RALYL: variants seen among roughly 807,000 people sequenced by gnomAD.
RALYL encodes the protein RALY RNA binding protein like, also known as RNA-binding Raly-like protein.
Under a neutral mutation model 35.1 loss-of-function variants are expected in RALYL, and 29 were observed. That is an observed-to-expected ratio of 0.83 (90% CI 0.61 to 1.13). The LOEUF (loss-of-function observed/expected upper bound fraction) is 1.13. RALYL is among the 50% of genes most tolerant of loss of function. The pLI, the probability that RALYL is intolerant of heterozygous loss-of-function variation, is 0.00. For synonymous variants in RALYL, 120 were observed against 127.6 expected (o/e 0.94, Z 0.40); for missense variants, 359 against 360.4 (o/e 1.00, Z 0.03).
At chr8:84,523,625 A>C in intron 1 of RALYL, among the ~76,000 whole-genome samples, 1 of 149,210 alleles carries the variant, frequency 6.7e-6, no homozygotes, top group Admixed American at 6.7e-5. Context: ...CTAACTCATC[A>C]TCTAGCATTA....
intron 4 of RALYL, among the ~76,000 whole-genome samples, chr8:84,849,131 G>A (rs1471448729): frequency 6.6e-6 from 1 of 152,184 alleles, no homozygotes; most frequent in African/African-American, 2.4e-5. Flanking sequence ...AACAAGGCAA[G>A]TGGATGGAGG....
Position 84,529,439 on chromosome 8 carries a change from G to A in RALYL, c.118G>A (p.Ala40Thr). ...AATTGTCAAGAAAGTTGACATTGAA[G>A]CCATTTTTTCAAAGTATGGAAAAAT... Reference protein sequence around the residue: ...TAIVKKVDIEAIFSKYGKIVG... With the variant: ...TAIVKKVDIETIFSKYGKIVG... The change falls in exon 2 of 9, where the codon GCC becomes ACC. Residue 40 changes from alanine (A) to threonine (T), a missense_variant. Physicochemically the swap from Ala to Thr is moderately conservative, Grantham distance 58 (BLOSUM62 0). Coordinates refer to ENST00000521268, the MANE Select transcript of RALYL (RefSeq NM_173848.7). 4 of 1,613,558 alleles carry A rather than the reference G, an allele frequency of 2.5e-6. No homozygotes were observed. The highest frequency in any genetic ancestry group is 3.4e-6 in the Non-Finnish European group (4 of 1,179,742).
chr8:84,323,681 TAAAC>T (rs1661711058), intron 1 of RALYL, among the ~76,000 whole-genome samples: 2 of 152,022 alleles, frequency 1.3e-5, no homozygotes, highest in Admixed American at 1.3e-4. Context: ...TATCTTCAGA[TAAAC>T]CAAATGAAGA....
At chr8:84,302,348 A>C (rs777571092) in intron 1 of RALYL, among the ~76,000 whole-genome samples, 1 of 152,176 alleles carries the variant, frequency 6.6e-6, no homozygotes, top group Non-Finnish European at 1.5e-5. Context: ...CTTAAGAACT[A>C]AGCCCACTTG....
chr8:84,890,533 G>A (rs1843642247), intron 8 of RALYL, among the ~76,000 whole-genome samples: 1 of 152,202 alleles, frequency 6.6e-6, no homozygotes, highest in South Asian at 2.1e-4. Flanking sequence ...ACTTTAAGAT[G>A]TATCAGAACT....
intron 1 of RALYL, among the ~76,000 whole-genome samples, chr8:84,495,664 T>C (rs1218841221): frequency 1.3e-5 from 2 of 152,128 alleles, no homozygotes; most frequent in Non-Finnish European, 2.9e-5. Context: ...CCTTTCATTT[T>C]TGTTTACCTT....
At chr8:84,609,262 C>T (rs1817790927) in intron 2 of RALYL, among the ~76,000 whole-genome samples, 1 of 152,148 alleles carries the variant, frequency 6.6e-6, no homozygotes, top group Non-Finnish European at 1.5e-5. Flanking sequence ...GAGTTTAATT[C>T]TGAGGAACTT....
chr8:84,472,047 A>G lies in RALYL; in HGVS notation c.-23-57252A>G, dbSNP rs191013004. Among the ~76,000 whole-genome samples, 10 of 152,344 alleles carry G rather than the reference A, an allele frequency of 6.6e-5. No individual in the cohort carries two copies. The East Asian group carries it at 1.9e-3, about 29-fold the overall frequency. On this transcript the variant is annotated intron_variant, in intron 1 of 8. Coordinates refer to ENST00000521268, the MANE Select transcript of RALYL (RefSeq NM_173848.7). ...TTCATTACTTTATTCATAAAATAGT[A>G]TGAATAGTACTTTATTTTTTTATCG... is the stretch of plus-strand genomic sequence containing the variant.
chr8:84,867,180 G>C (rs113835626), intron 6 of RALYL, among the ~76,000 whole-genome samples: 1 of 152,032 alleles, frequency 6.6e-6, no homozygotes, highest in Non-Finnish European at 1.5e-5. Flanking sequence ...TGTGTGTCTT[G>C]TCTAATAAAT....
intron 1 of RALYL, among the ~76,000 whole-genome samples, chr8:84,295,201 CAG>C (rs1475908441): frequency 3.9e-5 from 6 of 152,038 alleles, no homozygotes; most frequent in Non-Finnish European, 4.4e-5. Flanking sequence ...GTCTTTCAAA[CAG>C]AGAAAATTTG....
At chr8:84,840,169 C>G (rs975969629) in intron 4 of RALYL, among the ~76,000 whole-genome samples, 1 of 151,754 alleles carries the variant, frequency 6.6e-6, no homozygotes, top group Admixed American at 6.6e-5. Context: ...CAAACTACTC[C>G]GAGCTAAAGG....
intron 1 of RALYL, among the ~76,000 whole-genome samples, chr8:84,447,320 G>T (rs2048961470): frequency 6.6e-6 from 1 of 152,010 alleles, no homozygotes; most frequent in African/African-American, 2.4e-5. Context: ...GAATCTTCGT[G>T]TCTGGATCCC....
chr8:84,370,503 C>T (rs1855469546), intron 1 of RALYL, among the ~76,000 whole-genome samples: 1 of 151,694 alleles, frequency 6.6e-6, no homozygotes, highest in African/African-American at 2.4e-5. Context: ...TGGGTGTAAA[C>T]TAATCATGAG....
intron 4 of RALYL, among the ~76,000 whole-genome samples, chr8:84,816,821 C>G (rs1291809178): frequency 1.3e-5 from 2 of 152,078 alleles, no homozygotes; most frequent in Non-Finnish European, 2.9e-5. Context: ...ATACCGCATT[C>G]TCCCTGATGT....
chr8:84,606,169 C>T (rs898441974), intron 2 of RALYL, among the ~76,000 whole-genome samples: 2 of 152,126 alleles, frequency 1.3e-5, no homozygotes, highest in Admixed American at 6.6e-5. Context: ...CTTGCACTCT[C>T]ATACACACAT....
At chr8:84,588,425 G>A (rs1812474183) in intron 2 of RALYL, among the ~76,000 whole-genome samples, 1 of 152,166 alleles carries the variant, frequency 6.6e-6, no homozygotes, top group African/African-American at 2.4e-5. Context: ...TTGCCAGGGT[G>A]GGAGGTGTGT....
intron 1 of RALYL, among the ~76,000 whole-genome samples, chr8:84,346,533 A>G (rs371870048): frequency 1.3e-5 from 2 of 152,100 alleles, no homozygotes; most frequent in African/African-American, 4.8e-5. Context: ...CAGTGGTGCT[A>G]TCTTGGCCAA....
intron 1 of RALYL, among the ~76,000 whole-genome samples, chr8:84,517,589 G>A (rs1339209586): frequency 6.6e-6 from 1 of 152,138 alleles, no homozygotes; most frequent in Non-Finnish European, 1.5e-5. Flanking sequence ...CTTATGTAAA[G>A]CACTAGTAAT....
At chr8:84,823,362 A>G (rs1828928108) in intron 4 of RALYL, among the ~76,000 whole-genome samples, 1 of 152,160 alleles carries the variant, frequency 6.6e-6, no homozygotes, top group African/African-American at 2.4e-5. Context: ...AGATAAAATA[A>G]AAATGAACAG....
Sources: gnomAD v4.1 joint callset for allele counts (sites outside exome capture counted in the v4.1 genomes callset) on GRCh38, gnomAD v4.1.1 for gene constraint, MANE v1.5 for transcripts, NCBI Gene and HGNC (gene_info 2026-07-23, HGNC 2026-07-21) for gene names.